Variants in ASRGL1 observed in about 807,000 individuals in gnomAD.
ASRGL1 encodes the protein asparaginase and isoaspartyl peptidase 1.
ASRGL1 carries 16 observed loss-of-function variants against 22.4 expected under a neutral mutation model. The observed-to-expected ratio is 0.71, with a 90% CI of 0.48 to 1.08. ASRGL1 has a LOEUF of 1.08. ASRGL1 is among the 50% of genes least tolerant of loss of function. The pLI, the probability that ASRGL1 is intolerant of heterozygous loss-of-function variation, is 0.00. For missense variants in ASRGL1, 412 were observed against 410.1 expected, an observed-to-expected ratio of 1.00 and a Z score of -0.04; for synonymous variants, 165 against 159.3, an observed-to-expected ratio of 1.04 and a Z score of -0.27.
downstream of ASRGL1, among the ~76,000 whole-genome samples, chr11:62,395,047 GTA>G: frequency 6.6e-6 from 1 of 152,336 alleles, no homozygotes; most frequent in South Asian, 2.1e-4. Flanking sequence ...CAAAGGGAAG[GTA>G]CTCTATCTGG....
chr11:62,371,253 G>A, intron 4 of ASRGL1: 7 of 1,322,824 alleles, frequency 5.3e-6, no homozygotes, highest in Non-Finnish European at 6.9e-6. Context: ...AGCCTCCCGA[G>A]CGCTGCAGTA....
chr11:62,374,766 G>A (rs1459710977), intron 4 of ASRGL1, among the ~76,000 whole-genome samples: 1 of 152,144 alleles, frequency 6.6e-6, no homozygotes, highest in East Asian at 1.9e-4. Context: ...CGCATCTCTT[G>A]ATCTGTGTTC....
chr11:62,362,813 T>TACACACACACAC (rs57501048), intron 4 of ASRGL1, among the ~76,000 whole-genome samples: 24,957 of 83,600 alleles, frequency 0.3, 4,752 homozygotes, highest in Non-Finnish European at 0.37. Flanking sequence ...TTATCTGACA[T>TACACACACACAC]ACACACACAC....
At chr11:62,348,155 G>A (rs938713349) in intron 2 of ASRGL1, among the ~76,000 whole-genome samples, 2 of 152,178 alleles carry the variant, frequency 1.3e-5, no homozygotes, top group African/African-American at 4.8e-5. Flanking sequence ...ATTTCACGTA[G>A]AGGACTTGAG....
At chr11:62,379,358 C>G (rs2134677484) in intron 4 of ASRGL1, among the ~76,000 whole-genome samples, 1 of 152,308 alleles carries the variant, frequency 6.6e-6, no homozygotes, top group South Asian at 2.1e-4. Context: ...TGAGAACTGA[C>G]TTGCCCAATA....
intron 2 of ASRGL1, among the ~76,000 whole-genome samples, chr11:62,356,053 C>T (rs1946283925): frequency 6.6e-6 from 1 of 152,252 alleles, no homozygotes; most frequent in Non-Finnish European, 1.5e-5. Context: ...CATCCGACTT[C>T]TCAATCTTTT....
At chr11:62,395,759 CTTTTTTTTTTTTTTT>C (rs564952668), downstream of ASRGL1, among the ~76,000 whole-genome samples, 13 of 71,908 alleles carry the variant, frequency 1.8e-4, no homozygotes, top group Non-Finnish European at 2.1e-4. Flanking sequence ...GTAGCTGTTT[CTTTTTTTTTTTTTTT>C]TTTTTTTTTT....
At chr11:62,391,172 G>A (rs539586868) in intron 5 of ASRGL1, among the ~76,000 whole-genome samples, 13 of 152,324 alleles carry the variant, frequency 8.5e-5, no homozygotes, top group Admixed American at 8.5e-4. Context: ...CAGTCATGCT[G>A]TTTCTTCCTC....
At chr11:62,365,179 G>A (rs1946581226) in intron 4 of ASRGL1, among the ~76,000 whole-genome samples, 2 of 152,134 alleles carry the variant, frequency 1.3e-5, no homozygotes, top group African/African-American at 4.8e-5. Flanking sequence ...CAAAATTACT[G>A]TTATGTAGCA....
At chr11:62,389,004 A>G in intron 4 of ASRGL1, 129 bp from the exon 5 acceptor site, 2 of 792,008 alleles carry the variant, frequency 2.5e-6, no homozygotes. Flanking sequence ...TCTTTCTAGA[A>G]TGTTGGAATT....
intron 5 of ASRGL1, 70 bp from the exon 6 acceptor site, chr11:62,391,452 C>T (rs2958532): frequency 0.7 from 1,070,684 of 1,525,970 alleles, 377,923 homozygotes; most frequent in African/African-American, 0.76. Context: ...TTTCATGTAG[C>T]GTCCGACTTC....
intron 4 of ASRGL1, among the ~76,000 whole-genome samples, chr11:62,364,388 T>C (rs2134636281): frequency 6.6e-6 from 1 of 152,238 alleles, no homozygotes; most frequent in Middle Eastern, 3.4e-3. Context: ...CTTTCAGTCA[T>C]GTGAAAACCA....
At chr11:62,352,873 C>T (rs1946199897) in intron 2 of ASRGL1, among the ~76,000 whole-genome samples, 1 of 151,944 alleles carries the variant, frequency 6.6e-6, no homozygotes, top group Non-Finnish European at 1.5e-5. Context: ...CTTTAGTTTG[C>T]GGTGGTTTGG....
intron 2 of ASRGL1, among the ~76,000 whole-genome samples, chr11:62,339,121 A>C (rs1231085077): frequency 6.6e-6 from 1 of 152,066 alleles, no homozygotes; most frequent in Non-Finnish European, 1.5e-5. Flanking sequence ...AAGGAAGGGG[A>C]TTCTCTTCAG....
At chr11:62,349,922 T>C (rs1037000585) in intron 2 of ASRGL1, among the ~76,000 whole-genome samples, 1 of 152,028 alleles carries the variant, frequency 6.6e-6, no homozygotes, top group Non-Finnish European at 1.5e-5. Flanking sequence ...GCTGTCACGG[T>C]GGGAGTGGAG....
chr11:62,384,887 C>T (rs1365182284), intron 4 of ASRGL1, among the ~76,000 whole-genome samples: 2 of 135,014 alleles, frequency 1.5e-5, no homozygotes, highest in Non-Finnish European at 3.2e-5. Flanking sequence ...GACTGCACTC[C>T]AGCCTGCGCC....
At chr11:62,389,316 CT>C (rs1158096828) in intron 5 of ASRGL1, 65 bp downstream of exon 5, 1 of 1,391,284 alleles carries the variant, frequency 7.2e-7, no homozygotes, top group Non-Finnish European at 1.0e-6. Context: ...TCCTCACTCT[CT>C]ATTCCCTGCC....
At chr11:62,364,174 A>AG (rs1441301431) in intron 4 of ASRGL1, among the ~76,000 whole-genome samples, 75 of 151,454 alleles carry the variant, frequency 5.0e-4, no homozygotes, top group African/African-American at 1.7e-3. Context: ...AAAAAAAAAA[A>AG]AAAATCAGTA....
chr11:62,362,891 ATTTTTTTTTTTTTTTTTTTTTTTTTTT>A (rs60507577), intron 4 of ASRGL1, among the ~76,000 whole-genome samples: 20 of 50,368 alleles, frequency 4.0e-4, no homozygotes, highest in Non-Finnish European at 3.3e-4. Context: ...AAAGGATTTA[ATTTTTTTTTTTTTTTTTTTTTTTTTTT>A]TTTTTTTTTT....
Sources: allele counts gnomAD v4.1 joint callset (sites outside exome capture counted in the v4.1 genomes callset), GRCh38; gene constraint gnomAD v4.1.1; transcripts MANE v1.5; gene names NCBI Gene and HGNC (gene_info 2026-07-23, HGNC 2026-07-21).